CD2AP: variants seen among roughly 807,000 people sequenced by gnomAD.
The protein encoded by CD2AP is CD2-associated protein.
In CD2AP, 46 loss-of-function variants were observed where a neutral mutation model predicts 85.1. The observed-to-expected ratio is 0.54, with a 90% CI of 0.43 to 0.69. The LOEUF (loss-of-function observed/expected upper bound fraction) is 0.69, where lower values mean the gene tolerates loss of function less well. Among genes scored for constraint, CD2AP ranks in the 30% least tolerant of loss-of-function variants. The probability of loss-of-function intolerance (pLI) is 0.00; values close to 1 mark genes in which losing one functional copy is unlikely to be tolerated. For missense variants in CD2AP, 769 were observed against 729.5 expected (o/e 1.05, Z -0.62); for synonymous variants, 255 against 252.9 (o/e 1.01, Z -0.08).
intron 16 of CD2AP, among the ~76,000 whole-genome samples, chr6:47,610,971 A>ATATATATATATATTTTTTTTTT: frequency 1.8e-5 from 2 of 112,868 alleles, no homozygotes; most frequent in African/African-American, 7.2e-5. Context: ...ATATATATGT[A>ATATATATATATATTTTTTTTTT]TTTTTTTTTT....
At chr6:47,530,787 A>G (rs1231359994) in intron 2 of CD2AP, among the ~76,000 whole-genome samples, 1 of 152,214 alleles carries the variant, frequency 6.6e-6, no homozygotes, top group Non-Finnish European at 1.5e-5. Flanking sequence ...AGGTGATACT[A>G]TGTCAAGTAG....
intron 17 of CD2AP, among the ~76,000 whole-genome samples, chr6:47,616,415 G>A (rs1769588374): frequency 6.6e-6 from 1 of 152,064 alleles, no homozygotes; most frequent in South Asian, 2.1e-4. Flanking sequence ...TTTAACAGAA[G>A]CAACCAATCT....
chr6:47,531,724 T>C (rs1766880272), intron 2 of CD2AP, among the ~76,000 whole-genome samples: 2 of 152,110 alleles, frequency 1.3e-5, no homozygotes, highest in African/African-American at 2.4e-5. Context: ...TATTTTGCAC[T>C]GTATTAAAAA....
chr6:47,617,528 G>A (rs934624768), intron 17 of CD2AP, among the ~76,000 whole-genome samples: 3 of 152,036 alleles, frequency 2.0e-5, no homozygotes, highest in Admixed American at 6.6e-5. Context: ...CTGTTCTTTT[G>A]ATTTCCTGTT....
rs945616488 is a variant in CD2AP at position 47,539,753 on chromosome 6, C to T, written c.320-4853C>T. Among the ~76,000 whole-genome samples, 7 of 152,132 alleles carry T rather than the reference C, an allele frequency of 4.6e-5. No homozygotes were observed. The East Asian group carries it at 1.4e-3, about 29-fold the overall frequency. ...GTACATGAAAGAAATGCAGTATGTC[C>T]CCGCCTTTGCTGTACCTCCTTTATT... On this transcript the variant is annotated intron_variant, in intron 3 of 17. Coordinates refer to ENST00000359314, the MANE Select transcript of CD2AP (RefSeq NM_012120.3).
intron 3 of CD2AP, among the ~76,000 whole-genome samples, chr6:47,535,920 T>C (rs892795048): frequency 1.2e-4 from 18 of 152,310 alleles, no homozygotes; most frequent in South Asian, 4.1e-4. Context: ...ACAAAGAGGT[T>C]GAAGGTTCTG....
At chr6:47,548,921 T>C (rs1201145293) in intron 4 of CD2AP, among the ~76,000 whole-genome samples, 1 of 152,172 alleles carries the variant, frequency 6.6e-6, no homozygotes, top group African/African-American at 2.4e-5. Context: ...GTAAATATGA[T>C]ATGTCACATA....
chr6:47,541,980 C>G (rs1407837125), intron 3 of CD2AP, among the ~76,000 whole-genome samples: 1 of 152,204 alleles, frequency 6.6e-6, no homozygotes, highest in Non-Finnish European at 1.5e-5. Flanking sequence ...ATCACCAAAT[C>G]CTACTTTGTT....
At chr6:47,556,146 G>GT (rs1488122244) in intron 5 of CD2AP, among the ~76,000 whole-genome samples, 1 of 149,966 alleles carries the variant, frequency 6.7e-6, no homozygotes, top group Non-Finnish European at 1.5e-5. Flanking sequence ...TGCCATGGTG[G>GT]TTTGCACCTA....
At chr6:47,484,535 A>G (rs1407808046) in intron 1 of CD2AP, among the ~76,000 whole-genome samples, 1 of 152,242 alleles carries the variant, frequency 6.6e-6, no homozygotes, top group African/African-American at 2.4e-5. Flanking sequence ...ACAATTCACT[A>G]TTCTAAATTG....
chr6:47,546,914 C>T (rs945023175), intron 4 of CD2AP, among the ~76,000 whole-genome samples: 5 of 152,214 alleles, frequency 3.3e-5, no homozygotes, highest in Middle Eastern at 3.4e-3. Context: ...AATTTTGTAT[C>T]CAGCAAAACT....
At chr6:47,576,649 C>T (rs755612631) in intron 7 of CD2AP, 47 bp downstream of exon 7, 3 of 1,294,098 alleles carry the variant, frequency 2.3e-6, no homozygotes, top group South Asian at 1.2e-5. Context: ...TAGAAACATA[C>T]TCAAATGTAT....
At chr6:47,552,912 T>C (rs1381187944) in intron 4 of CD2AP, among the ~76,000 whole-genome samples, 1 of 152,214 alleles carries the variant, frequency 6.6e-6, no homozygotes, top group Non-Finnish European at 1.5e-5. Context: ...AAATCATTTA[T>C]TTTTAAGTTA....
intron 3 of CD2AP, among the ~76,000 whole-genome samples, chr6:47,541,521 A>T (rs547423029): frequency 6.6e-6 from 1 of 152,332 alleles, no homozygotes; most frequent in South Asian, 2.1e-4. Context: ...CCTTACACAG[A>T]TGTAACTTTC....
chr6:47,545,945 G>T (rs558539309), intron 4 of CD2AP, among the ~76,000 whole-genome samples: 1 of 152,162 alleles, frequency 6.6e-6, no homozygotes, highest in South Asian at 2.1e-4. Flanking sequence ...ACAAAACAAG[G>T]TTCTTTACCA....
chr6:47,610,971 A>ATATATATATATATATATATATATATT, intron 16 of CD2AP, among the ~76,000 whole-genome samples: 17 of 112,860 alleles, frequency 1.5e-4, no homozygotes, highest in African/African-American at 4.7e-4. Flanking sequence ...ATATATATGT[A>ATATATATATATATATATATATATATT]TTTTTTTTTT....
intron 1 of CD2AP, among the ~76,000 whole-genome samples, chr6:47,482,795 T>C (rs111565875): frequency 5.3e-5 from 8 of 152,366 alleles, no homozygotes; most frequent in African/African-American, 1.9e-4. Flanking sequence ...TATTTATTCA[T>C]AATTCAGATC....
chr6:47,490,040 A>G (rs1177461809), intron 1 of CD2AP, among the ~76,000 whole-genome samples: 1 of 144,442 alleles, frequency 6.9e-6, no homozygotes, highest in Non-Finnish European at 1.5e-5. Flanking sequence ...TAGTGGTACT[A>G]TCATAGTTCA....
chr6:47,605,814 T>A (rs1769254724), intron 13 of CD2AP, among the ~76,000 whole-genome samples: 2 of 152,018 alleles, frequency 1.3e-5, no homozygotes, highest in Admixed American at 1.3e-4. Flanking sequence ...AAGAAGTAGA[T>A]CTTTGTTAGG....
Sources: allele counts gnomAD v4.1 joint callset (sites outside exome capture counted in the v4.1 genomes callset), GRCh38; gene constraint gnomAD v4.1.1; transcripts MANE v1.5; gene names NCBI Gene and HGNC (gene_info 2026-07-23, HGNC 2026-07-21).